Variants in SFPQ observed in about 807,000 individuals in gnomAD.
SFPQ encodes splicing factor, proline- and glutamine-rich.
A neutral mutation model predicts 72.9 loss-of-function variants in SFPQ; 11 were observed. The observed-to-expected ratio is 0.15, with a 90% CI of 0.09 to 0.25. The LOEUF (loss-of-function observed/expected upper bound fraction) is 0.25, where lower values mean the gene tolerates loss of function less well. Among genes scored for constraint, SFPQ ranks in the 10% least tolerant of loss-of-function variants. SFPQ has a pLI of 1.00. For missense variants in SFPQ, 847 were observed against 993.3 expected (o/e 0.85, Z 1.98); for synonymous variants, 506 against 367.3 (o/e 1.38, Z -4.32).
intron 4 of SFPQ, 90 bp downstream of exon 4, chr1:35,190,408 C>A: frequency 1.2e-6 from 1 of 857,718 alleles, no homozygotes; most frequent in Non-Finnish European, 1.9e-6. Context: ...AATAATTTTG[C>A]ATATTTTAAG....
At chr1:35,180,728 G>A, downstream of SFPQ, 2 of 1,059,584 alleles carry the variant, frequency 1.9e-6, no homozygotes, top group Non-Finnish European at 2.3e-6. Flanking sequence ...CTATGGGCAG[G>A]TCAGTTTGCT....
chr1:35,191,441 G>A lies in SFPQ; in HGVS notation c.917C>T (p.Ala306Val). 6.2e-7 allele frequency: 1 copy of A among 1,614,000 alleles called. No homozygotes were observed. The highest frequency in any genetic ancestry group is 8.5e-7 in the Non-Finnish European group (1 of 1,179,878). The stretch of plus-strand genomic sequence containing the variant: ...TTTGAATTCATCCTCCGTGATATCA[G>A]CAGGTAGATTCCCAACAAACAACCG... ...RCRLFVGNLP[A>V]DITEDEFKRL... The change falls in exon 2 of 10, where the codon GCT becomes GTT. Residue 306 changes from alanine to valine, a missense_variant. Around this residue, in one of 6 missense-constraint regions of SFPQ, gnomAD observed 35 missense variants for 52.9 expected, o/e 0.66. Coordinates refer to ENST00000357214, the MANE Select transcript of SFPQ (RefSeq NM_005066.3).
chr1:35,183,517 C>T lies in SFPQ; in HGVS notation c.*939G>A. On this transcript the variant is annotated 3_prime_UTR_variant, in exon 10 of 10. Coordinates refer to ENST00000357214, the MANE Select transcript of SFPQ (RefSeq NM_005066.3). ...CAGGCGTGAGCCACCGCGCCCGGCC[C>T]AGTTACTAAACCTTCTTACTTTCAA... The T allele has an allele frequency of 3.0e-6, 3 of 1,011,616 alleles. No homozygotes were observed. The highest frequency in any genetic ancestry group is 3.6e-6 in the Non-Finnish European group (3 of 844,574). 62.7% of individuals were successfully genotyped at this position (1,011,616 alleles called of 1,614,324 possible).
intron 9 of SFPQ, among the ~76,000 whole-genome samples, chr1:35,185,077 G>A (rs1442347668): frequency 1.3e-5 from 2 of 152,220 alleles, no homozygotes; most frequent in Admixed American, 6.5e-5. Context: ...GAAACCTTGT[G>A]CTTTTCAAGA....
downstream of SFPQ, chr1:35,181,382 A>AT (rs1171944424): frequency 4.6e-5 from 49 of 1,064,608 alleles, no homozygotes; most frequent in East Asian, 2.3e-3. Flanking sequence ...TTAATCTGCC[A>AT]TAATATGCCA....
intron 9 of SFPQ, among the ~76,000 whole-genome samples, chr1:35,184,965 A>G (rs530810113): frequency 6.6e-6 from 1 of 152,220 alleles, no homozygotes; most frequent in African/African-American, 2.4e-5. Flanking sequence ...GTCTGAACGG[A>G]AATTTAATTT....
intron 9 of SFPQ, among the ~76,000 whole-genome samples, chr1:35,185,335 A>T (rs1294452790): frequency 6.6e-6 from 1 of 152,114 alleles, no homozygotes; most frequent in Non-Finnish European, 1.5e-5. Flanking sequence ...AAATGAACAA[A>T]CCCCACCCAC....
intron 6 of SFPQ, among the ~76,000 whole-genome samples, 198 bp downstream of exon 6, chr1:35,188,805 G>A (rs1176475253): frequency 6.6e-6 from 1 of 152,158 alleles, no homozygotes; most frequent in South Asian, 2.1e-4. Flanking sequence ...TACAAATACA[G>A]GAAGAATTAG....
At chr1:35,181,900 G>A, downstream of SFPQ, 6 of 985,196 alleles carry the variant, frequency 6.1e-6, no homozygotes, top group Non-Finnish European at 7.2e-6. Flanking sequence ...CTGTTTTAGT[G>A]ATGAAAGTCA....
At chr1:35,177,798 T>C in intron 4 of SFPQ, 1 of 185,660 alleles carries the variant, frequency 5.4e-6, no homozygotes, top group Non-Finnish European at 1.1e-5. Flanking sequence ...AATTCTATTG[T>C]TTGACATTTT....
intron 7 of SFPQ, 111 bp from the exon 8 acceptor site, chr1:35,187,362 TTCA>T (rs1639771641): frequency 1.0e-6 from 1 of 979,114 alleles, no homozygotes; most frequent in African/African-American, 1.6e-5. Flanking sequence ...AGTTCAAAAG[TTCA>T]TCATGTGAAT....
chr1:35,189,672 C>G (rs888391050), intron 4 of SFPQ, among the ~76,000 whole-genome samples: 1 of 152,140 alleles, frequency 6.6e-6, no homozygotes, highest in African/African-American at 2.4e-5. Flanking sequence ...CTGTAGGCCA[C>G]ACGCGGTGGC....
At position 35,183,429 on chromosome 1, in the gene SFPQ, G is replaced by C; in HGVS notation, c.*1027C>G. 2.5e-6 allele frequency: 1 copy of C among 400,914 alleles called. No individual in the cohort carries two copies. The highest frequency in any genetic ancestry group is 3.5e-6 in the Non-Finnish European group (1 of 289,748). The allele number at this position is 400,914 out of a possible 1,614,324, so 24.8% of individuals were successfully genotyped here. On this transcript the variant is annotated 3_prime_UTR_variant, in exon 10 of 10. Coordinates refer to ENST00000357214, the MANE Select transcript of SFPQ (RefSeq NM_005066.3). Reference sequence around the variant, plus strand: ...AGACGGGGTTTCACCATGTTGGCCAGGCTGGTCTTGAACTCCTGATCTCAT... The same window carrying C: ...AGACGGGGTTTCACCATGTTGGCCACGCTGGTCTTGAACTCCTGATCTCAT...
downstream of SFPQ, chr1:35,179,526 T>G: frequency 9.5e-7 from 1 of 1,054,570 alleles, no homozygotes; most frequent in Non-Finnish European, 1.1e-6. Flanking sequence ...AGCACCTCGG[T>G]ATAGCATTAT....
At position 35,192,796 on chromosome 1, in the gene SFPQ, T is replaced by C. The variant is rs1640102513; in HGVS notation, c.254A>G (p.His85Arg). ...QQPPPQQPPP[H>R]QPPPHPQPHQ... ...CGGCTGTGGATGCGGCGGCGGCTGA[T>C]GCGGTGGCGGCTGCTGCGGCGGTGG... The change falls in exon 1 of 10, where the codon CAT becomes CGT. Residue 85 changes from histidine to arginine, a missense_variant. His to Arg is a conservative substitution (Grantham distance 29, BLOSUM62 0). Coordinates refer to ENST00000357214, the MANE Select transcript of SFPQ (RefSeq NM_005066.3). 1 of 1,503,648 alleles carries C rather than the reference T, an allele frequency of 6.7e-7. No homozygotes were observed. 93.1% of individuals were successfully genotyped at this position (1,503,648 alleles called of 1,614,324 possible).
In SFPQ at chr1:35,188,938, G is replaced by GC. The variant is rs770700315; in HGVS notation, c.1697+64dup. On this transcript the variant is annotated intron_variant, in intron 6 of 9. Transcript: ENST00000357214. ...ACTGCACCACTGCACTCCAGCCCGGGCAACAGAATGATACGTTTCAAAGAA... is the reference window on the plus strand; with the variant it reads ...ACTGCACCACTGCACTCCAGCCCGGGCCAACAGAATGATACGTTTCAAAGAA... 386 of 1,308,658 alleles carry GC rather than the reference G, an allele frequency of 2.9e-4. 1 individual carries two copies. The highest frequency in any genetic ancestry group is 4.1e-4 in the Non-Finnish European group (377 of 917,632). The allele number at this position is 1,308,658 out of a possible 1,614,324, so 81.1% of individuals were successfully genotyped here.
chr1:35,192,590 G>GCGGGGT lies in SFPQ; in HGVS notation c.454_459dup (p.Thr152_Pro153dup). The GCGGGGT allele has an allele frequency of 7.5e-7, 1 of 1,338,916 alleles. No homozygotes were observed. The allele number at this position is 1,338,916 out of a possible 1,614,324, so 82.9% of individuals were successfully genotyped here. A position where few individuals can be genotyped will look rare whatever the true frequency, so the allele number is the denominator to read the frequency against. On this transcript the variant is annotated inframe_insertion, in exon 1 of 10. Coordinates refer to ENST00000357214, the MANE Select transcript of SFPQ (RefSeq NM_005066.3). Reference sequence around the variant, plus strand: ...GGAGGGGCCGAGGTGACTGCAGGCGGCGGGGTCGGAGTCGGGCCTGGCCCG... The same window carrying GCGGGGT: ...GGAGGGGCCGAGGTGACTGCAGGCGGCGGGGTCGGGGTCGGAGTCGGGCCTGGCCCG...
At chr1:35,187,738 A>T (rs563206117) in intron 7 of SFPQ, among the ~76,000 whole-genome samples, 1 of 152,134 alleles carries the variant, frequency 6.6e-6, no homozygotes, top group Non-Finnish European at 1.5e-5. Flanking sequence ...TCCAAAAAAA[A>T]AACCAAACAA....
At position 35,183,905 on chromosome 1, in the gene SFPQ, C is replaced by G. The variant is rs1379388569; in HGVS notation, c.*551G>C. 9.5e-7 allele frequency: 1 copy of G among 1,051,634 alleles called. No homozygotes were observed. Among genetic ancestry groups the G allele is most frequent in the Non-Finnish European group, 1.1e-6 (1 of 870,464 alleles). The allele number at this position is 1,051,634 out of a possible 1,614,324, so 65.1% of individuals were successfully genotyped here. On this transcript the variant is annotated 3_prime_UTR_variant, in exon 10 of 10. Transcript: ENST00000357214. Reference sequence around the variant, plus strand: ...AAAATACTTAGCACCAGCGTGCTTCCTATATGCCAAACAAATCATCAAACT... The same window carrying G: ...AAAATACTTAGCACCAGCGTGCTTCGTATATGCCAAACAAATCATCAAACT...
Sources: allele counts gnomAD v4.1 joint callset (sites outside exome capture counted in the v4.1 genomes callset), GRCh38; gene constraint gnomAD v4.1.1; regional missense constraint gnomAD v4.1.1; transcripts MANE v1.5; gene names NCBI Gene and HGNC (gene_info 2026-07-23, HGNC 2026-07-21).